Variants in PHIP observed in about 807,000 individuals in gnomAD.
PHIP encodes the protein PHIP subunit of CUL4-Ring ligase complex, also known as PH-interacting protein.
A neutral mutation model predicts 236.8 loss-of-function variants in PHIP; 54 were observed. The ratio of observed to expected loss-of-function variants is 0.23; its 90% CI spans 0.18 to 0.29. The LOEUF is 0.29. Among genes scored for constraint, PHIP ranks in the 10% least tolerant of loss-of-function variants. The pLI is 1.00. For synonymous variants in PHIP, 756 were observed against 718.9 expected, an observed-to-expected ratio of 1.05 and a Z score of -0.83; for missense variants, 1,370 against 2,190.8, an observed-to-expected ratio of 0.63 and a Z score of 7.48.
chr6:78,959,896 A>G (rs1353321825), intron 31 of PHIP, among the ~76,000 whole-genome samples: 1 of 152,174 alleles, frequency 6.6e-6, no homozygotes, highest in Non-Finnish European at 1.5e-5. Context: ...AACCTAGCAA[A>G]TATTTTACCT....
In PHIP at chr6:79,003,717, C is replaced by G. The variant is rs1039204957; in HGVS notation, c.1653+13G>C. On this transcript the variant is annotated intron_variant, in intron 16 of 39. Coordinates refer to ENST00000275034, the MANE Select transcript of PHIP (RefSeq NM_017934.7). ...AAAAAATAAGGACATGATATATAGT[C>G]ATCATACTCTACCTTGTCATATTTG... is the stretch of plus-strand genomic sequence containing the variant. 1 of 1,586,512 alleles carries G rather than the reference C, an allele frequency of 6.3e-7. No individual in the cohort carries two copies. Among genetic ancestry groups the G allele is most frequent in the Admixed American group, 1.8e-5 (1 of 54,754 alleles).
intron 7 of PHIP, among the ~76,000 whole-genome samples, chr6:79,035,881 A>T: frequency 6.6e-6 from 1 of 152,100 alleles, no homozygotes; most frequent in Admixed American, 6.6e-5. Context: ...TTACAAATCA[A>T]CCTAAACCTC....
intron 16 of PHIP, among the ~76,000 whole-genome samples, chr6:79,002,957 A>G (rs1304476035): frequency 3.3e-5 from 5 of 152,110 alleles, no homozygotes; most frequent in African/African-American, 1.2e-4. Flanking sequence ...CCAGGACATA[A>G]ATTTTATTAT....
intron 31 of PHIP, among the ~76,000 whole-genome samples, chr6:78,960,465 T>TC (rs951734832): frequency 2.0e-5 from 3 of 151,994 alleles, no homozygotes; most frequent in Admixed American, 6.6e-5. Context: ...TTTTTTTTTT[T>TC]TCTCTTAAAC....
intron 22 of PHIP, among the ~76,000 whole-genome samples, chr6:78,984,146 CT>C (rs1446539869): frequency 1.3e-5 from 2 of 152,146 alleles, no homozygotes; most frequent in South Asian, 2.1e-4. Context: ...CCCACTACCC[CT>C]CTCCACTGTC....
chr6:79,068,334 G>A (rs1411701000), intron 4 of PHIP, among the ~76,000 whole-genome samples: 2 of 152,100 alleles, frequency 1.3e-5, no homozygotes, highest in Non-Finnish European at 2.9e-5. Flanking sequence ...GTGGTGGCAC[G>A]TGCCTGTAGT....
intron 35 of PHIP, among the ~76,000 whole-genome samples, chr6:78,952,428 GAAA>G (rs1188992535): frequency 3.5e-5 from 2 of 57,654 alleles, no homozygotes; most frequent in East Asian, 1.0e-3. Flanking sequence ...AAAAAAAAAA[GAAA>G]AAAAAAAAAG....
intron 4 of PHIP, among the ~76,000 whole-genome samples, chr6:79,071,605 A>C (rs953907652): frequency 3.9e-5 from 6 of 152,198 alleles, no homozygotes; most frequent in Non-Finnish European, 7.4e-5. Flanking sequence ...TTTCTAAGTA[A>C]AAGTGCATTA....
chr6:78,967,928 A>G (rs1169056843), intron 27 of PHIP, among the ~76,000 whole-genome samples: 1 of 151,914 alleles, frequency 6.6e-6, no homozygotes, highest in African/African-American at 2.4e-5. Context: ...AGGTCAGGAG[A>G]TCAAGACCAT....
chr6:78,945,492 C>G lies in PHIP; in HGVS notation c.4636G>C (p.Glu1546Gln), dbSNP rs1195446651. The G allele has an allele frequency of 6.3e-7, 1 of 1,591,288 alleles. No homozygotes were observed. Among genetic ancestry groups the G allele is most frequent in the Admixed American group, 1.7e-5 (1 of 59,800 alleles). ...GCTTTGGAATGTTTCACAGAATTCTCTAGTACTAAAACATACAAACAAAAT... is the reference window on the plus strand; with the variant it reads ...GCTTTGGAATGTTTCACAGAATTCTGTAGTACTAAAACATACAAACAAAAT... The part of the protein sequence containing the change: ...ASAIPGKTIL[E>Q]NSVKHSKALN... The change falls in exon 39 of 40, where the codon GAG (glutamate) becomes CAG (glutamine). Residue 1546 changes from glutamate to glutamine, a missense_variant. Coordinates refer to ENST00000275034, the MANE Select transcript of PHIP (RefSeq NM_017934.7).
At chr6:78,964,667 A>G (rs953351668) in intron 29 of PHIP, among the ~76,000 whole-genome samples, 14 of 152,058 alleles carry the variant, frequency 9.2e-5, no homozygotes, top group African/African-American at 3.4e-4. Flanking sequence ...TAATTTTTGT[A>G]TTTTTAGTTG....
intron 23 of PHIP, among the ~76,000 whole-genome samples, chr6:78,980,131 C>A (rs1290690082): frequency 6.6e-6 from 1 of 152,022 alleles, no homozygotes; most frequent in African/African-American, 2.4e-5. Flanking sequence ...ATCAGCAAAT[C>A]ATGACCCTCA....
rs113836474 is a variant in PHIP, at chr6:79,060,277, T to C, written c.439+201A>G. Among the ~76,000 whole-genome samples the C allele has an allele frequency of 7.1e-3, 1,082 of 152,280 alleles. 7 individuals carry two copies. Among genetic ancestry groups the C allele is most frequent in the Non-Finnish European group, 0.012 (818 of 68,018 alleles). ...AATGAGCTAATTGGCCTACATAAGG[T>C]GCAATGTGCACAATCCCTCATTATA... On this transcript the variant is annotated intron_variant, in intron 6 of 39. Coordinates refer to ENST00000275034, the MANE Select transcript of PHIP (RefSeq NM_017934.7).
Position 78,935,862 on chromosome 6 carries a change from C to G in PHIP, c.*4831G>C, listed in dbSNP as rs1355329517. ...GCAAATAATAAATCATGAGGCTCTA[C>G]AAAATAGCTTAGAAAAACAAGTTTT... On this transcript the variant is annotated 3_prime_UTR_variant, in exon 40 of 40. Transcript: ENST00000275034. 2.2e-6 allele frequency: 1 copy of G among 462,978 alleles called. No individual in the cohort carries two copies. The highest frequency in any genetic ancestry group is 6.4e-5 in the Admixed American group (1 of 15,620). The allele number at this position is 462,978 out of a possible 1,614,324, so 28.7% of individuals were successfully genotyped here. A position where few individuals can be genotyped will look rare whatever the true frequency, so the allele number is the denominator to read the frequency against.
chr6:79,070,275 G>C (rs1773817434), intron 4 of PHIP, among the ~76,000 whole-genome samples: 1 of 152,180 alleles, frequency 6.6e-6, no homozygotes, highest in South Asian at 2.1e-4. Context: ...CTAGGAATCT[G>C]ATGAAAAGTT....
intron 24 of PHIP, among the ~76,000 whole-genome samples, chr6:78,974,259 C>T (rs1275961210): frequency 6.6e-6 from 1 of 152,062 alleles, no homozygotes; most frequent in Non-Finnish European, 1.5e-5. Flanking sequence ...AACTGAACAA[C>T]CTGCTCCTGA....
intron 30 of PHIP, 86 bp from the exon 31 acceptor site, chr6:78,961,896 A>C (rs1295131437): frequency 9.7e-7 from 1 of 1,029,116 alleles, no homozygotes; most frequent in African/African-American, 1.6e-5. Context: ...AGACTTAAAA[A>C]GTCCTAATCT....
chr6:79,059,933 G>A (rs1773282328), intron 6 of PHIP, among the ~76,000 whole-genome samples: 1 of 151,904 alleles, frequency 6.6e-6, no homozygotes, highest in African/African-American at 2.4e-5. Flanking sequence ...ATACTGGGAG[G>A]GAGAGAGAGA....
At chr6:79,038,908 A>C (rs1289952802) in intron 7 of PHIP, among the ~76,000 whole-genome samples, 1 of 152,164 alleles carries the variant, frequency 6.6e-6, no homozygotes, top group Non-Finnish European at 1.5e-5. Flanking sequence ...TAAATCACAG[A>C]AGTGAAAAAA....
Sources: allele counts gnomAD v4.1 joint callset (sites outside exome capture counted in the v4.1 genomes callset), GRCh38; gene constraint gnomAD v4.1.1; transcripts MANE v1.5; gene names NCBI Gene and HGNC (gene_info 2026-07-23, HGNC 2026-07-21).